The following ADAMTS16 variants were observed in gnomAD, a reference collection of about 807,000 sequenced individuals.
ADAMTS16 encodes the protein ADAM metallopeptidase with thrombospondin type 1 motif 16.
Under a neutral mutation model 145.8 loss-of-function variants are expected in ADAMTS16, and 94 were observed. The observed-to-expected ratio is 0.64, with a 90% CI of 0.55 to 0.77. The LOEUF (loss-of-function observed/expected upper bound fraction) is 0.77. ADAMTS16 is among the 30% of genes least tolerant of loss of function. The probability of loss-of-function intolerance (pLI) is 0.00; values close to 1 mark genes in which losing one functional copy is unlikely to be tolerated. For synonymous variants in ADAMTS16, 659 were observed against 604.3 expected, an observed-to-expected ratio of 1.09 and a Z score of -1.33; for missense variants, 1,585 against 1,591.5, an observed-to-expected ratio of 1.00 and a Z score of 0.07.
At chr5:5,314,329 C>T (rs1733946094) in intron 21 of ADAMTS16, among the ~76,000 whole-genome samples, 1 of 152,202 alleles carries the variant, frequency 6.6e-6, no homozygotes, top group African/African-American at 2.4e-5. Flanking sequence ...TATTTATTTT[C>T]TGTTCCCTTT....
chr5:5,239,221 A>G lies in ADAMTS16; in HGVS notation c.2225A>G (p.Asn742Ser). ...GTCTGTGGGGTGTGTAACGGGAATA[A>G]CTCAGCCTGCACGATTCACAGGGGT... Reference protein sequence around the residue: ...EDVCGVCNGNNSACTIHRGLY... With the variant: ...EDVCGVCNGNSSACTIHRGLY... The change falls in exon 15 of 23, where the codon AAC becomes AGC. Residue 742 changes from asparagine (N) to serine (S), a missense_variant. By Grantham distance (46) the Asn-to-Ser change is conservative (BLOSUM62 1). This residue lies in a region of ADAMTS16 where 834 missense variants were observed against 811.7 expected (regional missense o/e 1.03). Transcript: ENST00000274181. 6.2e-7 allele frequency: 1 copy of G among 1,603,150 alleles called. No homozygotes were observed. Among genetic ancestry groups the G allele is most frequent in the Non-Finnish European group, 8.5e-7 (1 of 1,175,406 alleles).
At chr5:5,156,683 AGTAG>A (rs1183744828) in intron 3 of ADAMTS16, among the ~76,000 whole-genome samples, 2 of 152,220 alleles carry the variant, frequency 1.3e-5, no homozygotes, top group African/African-American at 4.8e-5. Context: ...CAGTTTCCTC[AGTAG>A]GCTTGGGGGT....
At chr5:5,283,468 C>A (rs1462361604) in intron 18 of ADAMTS16, among the ~76,000 whole-genome samples, 1 of 151,978 alleles carries the variant, frequency 6.6e-6, no homozygotes, top group African/African-American at 2.4e-5. Flanking sequence ...ATGCCCCTCC[C>A]CCCACCTCCC....
chr5:5,172,542 A>G (rs1735069897), intron 3 of ADAMTS16, among the ~76,000 whole-genome samples: 2 of 152,020 alleles, frequency 1.3e-5, no homozygotes. Flanking sequence ...ATGTGTTTGT[A>G]TGGTTTCCAA....
chr5:5,253,198 G>A (rs1737679454), intron 17 of ADAMTS16, among the ~76,000 whole-genome samples: 1 of 152,196 alleles, frequency 6.6e-6, no homozygotes, highest in South Asian at 2.1e-4. Context: ...GCCTCAGAAA[G>A]TCCTGAGACA....
At chr5:5,253,788 T>C (rs916081414) in intron 17 of ADAMTS16, among the ~76,000 whole-genome samples, 2 of 152,174 alleles carry the variant, frequency 1.3e-5, no homozygotes, top group Non-Finnish European at 2.9e-5. Context: ...CTGGCCTCCC[T>C]GCAGCCTTCG....
chr5:5,182,856 G>A (rs992719603), intron 4 of ADAMTS16, among the ~76,000 whole-genome samples: 2 of 152,152 alleles, frequency 1.3e-5, no homozygotes, highest in African/African-American at 4.8e-5. Context: ...AGAAATTCAA[G>A]AATTGAAGTT....
chr5:5,157,058 C>T (rs1734622307), intron 3 of ADAMTS16, among the ~76,000 whole-genome samples: 1 of 151,914 alleles, frequency 6.6e-6, no homozygotes, highest in Non-Finnish European at 1.5e-5. Flanking sequence ...TAATAACATC[C>T]ATCATTTGTC....
At chr5:5,183,427 C>A (rs1226222729) in intron 4 of ADAMTS16, among the ~76,000 whole-genome samples, 1 of 152,242 alleles carries the variant, frequency 6.6e-6, no homozygotes, top group Non-Finnish European at 1.5e-5. Flanking sequence ...AGAGTCAGGA[C>A]TCTGCTGCCA....
At chr5:5,272,146 C>G (rs528643290) in intron 18 of ADAMTS16, among the ~76,000 whole-genome samples, 54 of 152,118 alleles carry the variant, frequency 3.5e-4, no homozygotes, top group Non-Finnish European at 6.8e-4. Context: ...AATCTGGTTG[C>G]TTAGGTGGTG....
chr5:5,183,661 G>C (rs1044156156), intron 4 of ADAMTS16, among the ~76,000 whole-genome samples: 2 of 152,192 alleles, frequency 1.3e-5, no homozygotes, highest in Non-Finnish European at 2.9e-5. Context: ...CTCTCTGAAG[G>C]TGGTCGCCAT....
Position 5,303,259 on chromosome 5 carries a change from C to T in ADAMTS16, c.2790-9C>T. On this transcript the variant is annotated splice_polypyrimidine_tract_variant and intron_variant, in intron 18 of 22. Transcript: ENST00000274181. ...CATCCCTCACCGAGGTCTCTTTGTC[C>T]CTGCCCAGCTGGTCCGTGGGGAACT... 2.6e-6 allele frequency: 4 copies of T among 1,545,644 alleles called. No individual in the cohort carries two copies. The highest frequency in any genetic ancestry group is 2.3e-4 in the Middle Eastern group (1 of 4,360).
chr5:5,165,096 T>G (rs1466762199), intron 3 of ADAMTS16, among the ~76,000 whole-genome samples: 1 of 152,104 alleles, frequency 6.6e-6, no homozygotes, highest in Admixed American at 6.5e-5. Context: ...AGCACTCACA[T>G]ACCCCTTAGC....
intron 17 of ADAMTS16, among the ~76,000 whole-genome samples, chr5:5,249,367 C>T (rs189860660): frequency 6.6e-6 from 1 of 152,242 alleles, no homozygotes; most frequent in Non-Finnish European, 1.5e-5. Flanking sequence ...TGTCTTATTA[C>T]TGGATAATGG....
rs781096338 is a variant in ADAMTS16, at chr5:5,239,913, A to T, written c.2511A>T (p.Thr837=). Residue 837 remains threonine (T), a synonymous_variant, in exon 16 of 23, where the codon ACA becomes ACT. Coordinates refer to ENST00000274181, the MANE Select transcript of ADAMTS16 (RefSeq NM_139056.4). The part of the protein sequence containing the change: ...NLIATGPTNE[T]LIVELLFQGR... ...TCGCTACTGGACCAACCAACGAGAC[A>T]CTGATTGTGGAGGTAAAGTCCAGCC... is the stretch of plus-strand genomic sequence containing the variant. 6.2e-7 allele frequency: 1 copy of T among 1,613,928 alleles called. No homozygotes were observed. Among genetic ancestry groups the T allele is most frequent in the Non-Finnish European group, 8.5e-7 (1 of 1,179,922 alleles).
In ADAMTS16 at chr5:5,170,011, A is replaced by G. The variant is rs550603749; in HGVS notation, c.502-12033A>G. 1.6e-4 allele frequency among the ~76,000 whole-genome samples: 25 copies of G among 152,342 alleles called. 1 individual carries two copies. The South Asian group carries it at 5.0e-3, about 30-fold the overall frequency. On this transcript the variant is annotated intron_variant, in intron 3 of 22. Transcript: ENST00000274181. Reference sequence around the variant, plus strand: ...CATGGCTTTTGAGAATAGTGCTATAATAAACATGGGAGTGCAGATATCTCT... The same window carrying G: ...CATGGCTTTTGAGAATAGTGCTATAGTAAACATGGGAGTGCAGATATCTCT...
chr5:5,288,632 C>G (rs1475523472), intron 18 of ADAMTS16, among the ~76,000 whole-genome samples: 1 of 152,152 alleles, frequency 6.6e-6, no homozygotes, highest in African/African-American at 2.4e-5. Flanking sequence ...AATAGATAGG[C>G]ATCACATAAA....
Position 5,303,578 on chromosome 5 carries a change from C to T in ADAMTS16, c.2998C>T (p.His1000Tyr), listed in dbSNP as rs780520199. Residue 1000 changes from histidine (H) to tyrosine (Y), a missense_variant, in exon 20 of 23, where the codon CAC becomes TAC. Physicochemically the swap from His to Tyr is moderately conservative, Grantham distance 83 (BLOSUM62 2). Transcript: ENST00000274181. ...TCCTGACTGTTCTGTGCAGTGCTCA[C>T]ACACCTGTGGGAAGGGGTGGAGGAA... ...WSAGPWAECS[H>Y]TCGKGWRKRA... 1.2e-6 allele frequency: 2 copies of T among 1,614,110 alleles called. No individual in the cohort carries two copies. The highest frequency in any genetic ancestry group is 1.7e-5 in the Admixed American group (1 of 60,028).
intron 17 of ADAMTS16, among the ~76,000 whole-genome samples, chr5:5,253,429 A>T (rs1279441131): frequency 6.6e-6 from 1 of 152,096 alleles, no homozygotes; most frequent in Non-Finnish European, 1.5e-5. Context: ...CTGGCTCAGC[A>T]CTTCTGCATT....
Sources: allele counts gnomAD v4.1 joint callset (sites outside exome capture counted in the v4.1 genomes callset), GRCh38; gene constraint gnomAD v4.1.1; regional missense constraint gnomAD v4.1.1; transcripts MANE v1.5; gene names NCBI Gene and HGNC (gene_info 2026-07-23, HGNC 2026-07-21).